Variants in PRMT8 observed in about 807,000 individuals in gnomAD.
The protein encoded by PRMT8 is protein arginine N-methyltransferase 8.
In PRMT8, 7 loss-of-function variants were observed where a neutral mutation model predicts 47.1. The ratio of observed to expected loss-of-function variants is 0.15; its 90% CI spans 0.08 to 0.28. The LOEUF is 0.28. Ranked by LOEUF, PRMT8 falls within the 10% of genes least tolerant of loss-of-function variation. The pLI is 1.00. For synonymous variants in PRMT8, 188 were observed against 186.5 expected (o/e 1.01, Z -0.07); for missense variants, 237 against 505.4 (o/e 0.47, Z 5.09).
intron 1 of PRMT8, among the ~76,000 whole-genome samples, chr12:3,419,720 A>C (rs754299198): frequency 1.3e-5 from 2 of 151,910 alleles, no homozygotes; most frequent in South Asian, 4.2e-4. Flanking sequence ...CCAAATACCT[A>C]ATCAGATCAC....
chr12:3,470,187 G>A (rs1865144918), intron 1 of PRMT8, among the ~76,000 whole-genome samples: 1 of 152,232 alleles, frequency 6.6e-6, no homozygotes, highest in South Asian at 2.1e-4. Context: ...AGCAGGGAAT[G>A]GGATGCTCTG....
chr12:3,390,486 T>C (rs1031081104), intron 1 of PRMT8, among the ~76,000 whole-genome samples: 18 of 152,328 alleles, frequency 1.2e-4, no homozygotes, highest in Admixed American at 9.1e-4. Flanking sequence ...ACTGTGACAA[T>C]TGAATGACAT....
intron 1 of PRMT8, among the ~76,000 whole-genome samples, chr12:3,520,830 C>A (rs576980971): frequency 6.6e-6 from 1 of 152,290 alleles, no homozygotes; most frequent in African/African-American, 2.4e-5. Context: ...GTAATACACA[C>A]CTTTGGAAAA....
intron 1 of PRMT8, among the ~76,000 whole-genome samples, chr12:3,403,699 T>C (rs917360537): frequency 2.0e-5 from 3 of 151,494 alleles, no homozygotes; most frequent in African/African-American, 7.3e-5. Context: ...GCCAATATGG[T>C]GAAACCCCGT....
chr12:3,413,902 C>T (rs1338915364), intron 1 of PRMT8, among the ~76,000 whole-genome samples: 1 of 152,152 alleles, frequency 6.6e-6, no homozygotes, highest in Non-Finnish European at 1.5e-5. Context: ...TATGCAAATA[C>T]AACACCATTT....
At chr12:3,488,589 T>C (rs976969215), upstream of PRMT8, among the ~76,000 whole-genome samples, 3 of 152,242 alleles carry the variant, frequency 2.0e-5, no homozygotes, top group African/African-American at 7.2e-5. Context: ...AGCTCATCAA[T>C]GGTCAATTCA....
intron 4 of PRMT8, among the ~76,000 whole-genome samples, chr12:3,556,963 G>A (rs1386717165): frequency 6.6e-6 from 1 of 152,200 alleles, no homozygotes; most frequent in Non-Finnish European, 1.5e-5. Context: ...ATAGAAGTGG[G>A]GGAAAGTGGG....
chr12:3,489,817 ACACACACACACACACACGCGCG>A (rs1298566414), upstream of PRMT8, among the ~76,000 whole-genome samples: 6 of 140,898 alleles, frequency 4.3e-5, no homozygotes, highest in African/African-American at 1.4e-4. Context: ...TCACACACAC[ACACACACACACACACACGCGCG>A]CACACACACA....
intron 4 of PRMT8, among the ~76,000 whole-genome samples, chr12:3,568,051 A>G (rs377247828): frequency 5.9e-5 from 9 of 151,398 alleles, no homozygotes; most frequent in Middle Eastern, 6.8e-3. Context: ...CAGCCTGGGC[A>G]ACAAGAGTGA....
intron 2 of PRMT8, 94 bp from the exon 3 acceptor site, chr12:3,549,842 G>A: frequency 2.8e-6 from 4 of 1,445,230 alleles, no homozygotes. Flanking sequence ...GTCTCCTGAA[G>A]GGTCACCTGG....
intron 1 of PRMT8, among the ~76,000 whole-genome samples, chr12:3,426,502 A>C (rs1864605668): frequency 6.6e-6 from 1 of 152,192 alleles, no homozygotes; most frequent in Non-Finnish European, 1.5e-5. Flanking sequence ...CCCTGGATTA[A>C]ATGGTCCTAA....
intron 1 of PRMT8, among the ~76,000 whole-genome samples, chr12:3,485,573 G>A (rs1459162304): frequency 6.6e-6 from 1 of 152,088 alleles, no homozygotes; most frequent in Non-Finnish European, 1.5e-5. Context: ...TGGAAAGTAT[G>A]GTTTATCCAT....
In PRMT8 at chr12:3,593,173, A is replaced by G; in HGVS notation, c.1176A>G (p.Lys392=). ...AAACATCTGTATCTAATGACTACAA[A>G]ATGCGTTAGCACACGTGGGAAGCTG... is the stretch of plus-strand genomic sequence containing the variant. ...LCETSVSNDY[K]MR Residue 392 remains lysine, a synonymous_variant, in exon 10 of 10, where the codon AAA becomes AAG. Transcript: ENST00000382622. The surrounding 1 kb of genome is among the most constrained non-coding windows in gnomAD (Gnocchi z 4.8). The G allele has an allele frequency of 6.2e-7, 1 of 1,613,690 alleles. No individual in the cohort carries two copies. Among genetic ancestry groups the G allele is most frequent in the African/African-American group, 1.3e-5 (1 of 75,048 alleles).
At chr12:3,512,264 C>T (rs971403184) in intron 1 of PRMT8, among the ~76,000 whole-genome samples, 3 of 152,198 alleles carry the variant, frequency 2.0e-5, no homozygotes, top group African/African-American at 7.2e-5. Context: ...ACTGTTCTCT[C>T]TCAAGCTTTC....
chr12:3,534,630 G>T (rs1232876422), intron 1 of PRMT8, among the ~76,000 whole-genome samples: 1 of 152,162 alleles, frequency 6.6e-6, no homozygotes, highest in African/African-American at 2.4e-5. Context: ...ACCTTGGAGA[G>T]GTGCCTGCCT....
In PRMT8 at chr12:3,524,101, C is replaced by G. The variant is rs539117446; in HGVS notation, c.76-16505C>G. 3.9e-5 allele frequency among the ~76,000 whole-genome samples: 6 copies of G among 152,320 alleles called. No homozygotes were observed. The East Asian group carries it at 1.2e-3, about 29-fold the overall frequency. ...CAACTGGCCATTCCATTCACCTTGA[C>G]ATTCCATAAAAATCCCCAAGAATCC... On this transcript the variant is annotated intron_variant, in intron 1 of 9. Coordinates refer to ENST00000382622, the MANE Select transcript of PRMT8 (RefSeq NM_019854.5).
At chr12:3,474,323 A>G (rs1216567578) in intron 1 of PRMT8, among the ~76,000 whole-genome samples, 2 of 152,136 alleles carry the variant, frequency 1.3e-5, no homozygotes, top group Non-Finnish European at 2.9e-5. Flanking sequence ...TTTTTTGTGT[A>G]TAATGGGGGT....
chr12:3,382,802 C>T (rs1864105158), intron 1 of PRMT8, among the ~76,000 whole-genome samples: 1 of 152,158 alleles, frequency 6.6e-6, no homozygotes, highest in South Asian at 2.1e-4. Flanking sequence ...AACCCTAGAT[C>T]ATGAAAATTT....
rs965192198 is a variant in PRMT8 at position 3,491,461 on chromosome 12, T to G, written c.-165T>G. The G allele has an allele frequency of 2.1e-6, 3 of 1,431,334 alleles. No homozygotes were observed. The highest frequency in any genetic ancestry group is 3.0e-5 in the South Asian group (2 of 65,652). The allele number at this position is 1,431,334 out of a possible 1,614,324, so 88.7% of individuals were successfully genotyped here. On this transcript the variant is annotated 5_prime_UTR_variant, in exon 1 of 10. Coordinates refer to ENST00000382622, the MANE Select transcript of PRMT8 (RefSeq NM_019854.5). ...GAGGAAAATAAAAGAAAGTGGAGACTGCAGAACAGACTCCGCTGTGGCTGA... is the reference window on the plus strand; with the variant it reads ...GAGGAAAATAAAAGAAAGTGGAGACGGCAGAACAGACTCCGCTGTGGCTGA...
Sources: allele counts gnomAD v4.1 joint callset (sites outside exome capture counted in the v4.1 genomes callset), GRCh38; gene constraint gnomAD v4.1.1; non-coding constraint Gnocchi (gnomAD v3.1); transcripts MANE v1.5; gene names NCBI Gene and HGNC (gene_info 2026-07-23, HGNC 2026-07-21).